Variants in AGMO observed in about 807,000 individuals in gnomAD.
AGMO encodes alkylglycerol monooxygenase.
Under a neutral mutation model 60.2 loss-of-function variants are expected in AGMO, and 75 were observed. That is an observed-to-expected ratio of 1.25 (90% CI 1.03 to 1.51). AGMO has a LOEUF of 1.51. Among genes scored for constraint, AGMO ranks in the 40% most tolerant of loss-of-function variants. AGMO has a pLI of 0.00. For synonymous variants in AGMO, 261 were observed against 177.1 expected, an observed-to-expected ratio of 1.47 and a Z score of -3.76; for missense variants, 763 against 525.5, an observed-to-expected ratio of 1.45 and a Z score of -4.42.
intron 12 of AGMO, among the ~76,000 whole-genome samples, chr7:15,300,650 A>AAT (rs1479631938): frequency 2.0e-5 from 3 of 152,228 alleles, no homozygotes; most frequent in Non-Finnish European, 4.4e-5. Context: ...CTCAAATGTG[A>AAT]ATAGTAACAG....
intron 12 of AGMO, among the ~76,000 whole-genome samples, chr7:15,205,468 A>G (rs1781416613): frequency 6.6e-6 from 1 of 152,192 alleles, no homozygotes; most frequent in Non-Finnish European, 1.5e-5. Flanking sequence ...GAAAACATTC[A>G]TTGAGATATA....
the AGMO span, among the ~76,000 whole-genome samples, chr7:15,174,867 A>C: frequency 6.6e-6 from 1 of 151,930 alleles, no homozygotes; most frequent in African/African-American, 2.4e-5. Flanking sequence ...AATCCAAATG[A>C]TAAAAAAAAT....
At chr7:15,439,912 G>T (rs1235915168) in intron 3 of AGMO, among the ~76,000 whole-genome samples, 1 of 152,094 alleles carries the variant, frequency 6.6e-6, no homozygotes, top group Non-Finnish European at 1.5e-5. Flanking sequence ...CCTGTCTCTT[G>T]CTTCCAATCT....
intron 3 of AGMO, among the ~76,000 whole-genome samples, chr7:15,525,737 C>T (rs577680144): frequency 3.9e-5 from 6 of 152,206 alleles, no homozygotes; most frequent in African/African-American, 7.2e-5. Flanking sequence ...GAAGCAGAGG[C>T]GTAGCTGAGC....
At chr7:15,494,552 C>G (rs541915204) in intron 3 of AGMO, among the ~76,000 whole-genome samples, 1 of 152,278 alleles carries the variant, frequency 6.6e-6, no homozygotes, top group Admixed American at 6.5e-5. Flanking sequence ...AAAGCTGCTC[C>G]CAGCCTGTGT....
intron 12 of AGMO, among the ~76,000 whole-genome samples, chr7:15,334,648 T>G (rs960815272): frequency 2.6e-5 from 4 of 152,202 alleles, no homozygotes; most frequent in Non-Finnish European, 5.9e-5. Flanking sequence ...AAAATTGCTA[T>G]GACTTCACTT....
intron 12 of AGMO, among the ~76,000 whole-genome samples, chr7:15,340,432 A>G (rs1351253205): frequency 6.6e-5 from 10 of 152,192 alleles, no homozygotes; most frequent in East Asian, 1.9e-4. Context: ...ATCTTACTAC[A>G]TAACAAATTT....
intron 12 of AGMO, among the ~76,000 whole-genome samples, chr7:15,355,259 AT>A (rs1782479832): frequency 6.6e-6 from 1 of 152,000 alleles, no homozygotes. Context: ...TTCCAGCACT[AT>A]GGGAGGCCGA....
At chr7:15,338,417 T>C (rs575531603) in intron 12 of AGMO, among the ~76,000 whole-genome samples, 7 of 152,098 alleles carry the variant, frequency 4.6e-5, no homozygotes, top group Non-Finnish European at 1.0e-4. Flanking sequence ...AAACAAAAAA[T>C]TTTGCAGATA....
intron 8 of AGMO, among the ~76,000 whole-genome samples, chr7:15,389,949 T>C (rs868259419): frequency 2.6e-5 from 4 of 152,178 alleles, no homozygotes; most frequent in African/African-American, 9.7e-5. Flanking sequence ...GCCAGTAAGT[T>C]CCTCACTTAC....
chr7:15,194,157 G>T, the AGMO span, among the ~76,000 whole-genome samples: 1 of 152,050 alleles, frequency 6.6e-6, no homozygotes, highest in Admixed American at 6.6e-5. Context: ...TAATGATCAA[G>T]TGTTTCACAT....
At chr7:15,193,845 CAT>C in the AGMO span, among the ~76,000 whole-genome samples, 1 of 152,102 alleles carries the variant, frequency 6.6e-6, no homozygotes, top group African/African-American at 2.4e-5. Flanking sequence ...GGCAGCAAAA[CAT>C]ACTTTTATTT....
At chr7:15,427,453 A>T (rs1781097982) in intron 4 of AGMO, among the ~76,000 whole-genome samples, 1 of 152,126 alleles carries the variant, frequency 6.6e-6, no homozygotes. Context: ...TCCACACTTT[A>T]TTTAGAATTC....
At chr7:15,346,089 C>A (rs1039734787) in intron 12 of AGMO, among the ~76,000 whole-genome samples, 1 of 152,062 alleles carries the variant, frequency 6.6e-6, no homozygotes, top group South Asian at 2.1e-4. Context: ...TGCTGATTCC[C>A]GCTTGGTTGG....
intron 5 of AGMO, among the ~76,000 whole-genome samples, chr7:15,407,228 A>AATAGATATATATATAT (rs1332532741): frequency 6.9e-5 from 5 of 72,434 alleles, no homozygotes; most frequent in African/African-American, 2.3e-4. Flanking sequence ...CTTTCTTTGG[A>AATAGATATATATATAT]ATACATATAT....
chr7:15,202,458 CAAAAAAAAAAAAAA>C (rs71004370), intron 12 of AGMO, among the ~76,000 whole-genome samples: 828 of 45,394 alleles, frequency 0.018, 24 homozygotes, highest in African/African-American at 0.052. Context: ...TACAAATGAG[CAAAAAAAAAAAAAA>C]AAAAAAAAAA....
chr7:15,418,222 T>C (rs1332289982), intron 5 of AGMO, among the ~76,000 whole-genome samples: 1 of 152,062 alleles, frequency 6.6e-6, no homozygotes, highest in East Asian at 1.9e-4. Flanking sequence ...CATATGTTTA[T>C]ATCTCTGAAT....
rs532544295 is a variant in AGMO, at chr7:15,371,193, AATTTAAT to A, written c.1075-4978_1075-4972del. Among the ~76,000 whole-genome samples, 228 of 152,236 alleles carry A rather than the reference AATTTAAT, an allele frequency of 1.5e-3. 1 individual carries two copies. Among genetic ancestry groups the A allele is most frequent in the African/African-American group, 5.3e-3 (221 of 41,540 alleles). On this transcript the variant is annotated intron_variant, in intron 10 of 12. Transcript: ENST00000342526. The stretch of plus-strand genomic sequence containing the variant: ...GAAAACATTAATACAATTAATCAAT[AATTTAAT>A]ATTAAATATTTAATAACAATGTTTT...
chr7:15,538,948 G>A (rs1187749563), intron 3 of AGMO, among the ~76,000 whole-genome samples: 1 of 151,966 alleles, frequency 6.6e-6, no homozygotes, highest in Non-Finnish European at 1.5e-5. Flanking sequence ...AATGTGTTGA[G>A]GAAAAAAAGT....
Sources: gnomAD v4.1 joint callset for allele counts (sites outside exome capture counted in the v4.1 genomes callset) on GRCh38, gnomAD v4.1.1 for gene constraint, MANE v1.5 for transcripts, NCBI Gene and HGNC (gene_info 2026-07-23, HGNC 2026-07-21) for gene names.